Variants in ITPR2 observed in about 807,000 individuals in gnomAD.
ITPR2 encodes the protein inositol 1,4,5-trisphosphate-gated calcium channel ITPR2.
Under a neutral mutation model 317.1 loss-of-function variants are expected in ITPR2, and 207 were observed. The ratio of observed to expected loss-of-function variants is 0.65; its 90% CI spans 0.58 to 0.73. The LOEUF (loss-of-function observed/expected upper bound fraction) is 0.73. ITPR2 is among the 30% of genes least tolerant of loss of function. The pLI is 0.00. For missense variants in ITPR2, 2,613 were observed against 3,284.0 expected (o/e 0.80, Z 4.99); for synonymous variants, 1,156 against 1,149.1 (o/e 1.01, Z -0.12).
intron 39 of ITPR2, 136 bp downstream of exon 39, chr12:26,494,017 G>T: frequency 1.7e-6 from 1 of 594,484 alleles, no homozygotes; most frequent in Non-Finnish European, 2.7e-6. Context: ...TTTAAGAAAA[G>T]TGTGATACAT....
intron 1 of ITPR2, among the ~76,000 whole-genome samples, chr12:26,826,741 T>C (rs183653681): frequency 6.6e-6 from 1 of 152,240 alleles, no homozygotes; most frequent in East Asian, 1.9e-4. Flanking sequence ...TAAACATACA[T>C]ATACAGATGT....
chr12:26,756,750 C>T (rs1022991171), intron 2 of ITPR2, among the ~76,000 whole-genome samples: 3 of 152,066 alleles, frequency 2.0e-5, no homozygotes, highest in Admixed American at 6.6e-5. Flanking sequence ...CTCTGCAACC[C>T]TTAGGATTAA....
At chr12:26,765,068 G>A (rs952736145) in intron 2 of ITPR2, among the ~76,000 whole-genome samples, 2 of 152,008 alleles carry the variant, frequency 1.3e-5, no homozygotes, top group Admixed American at 1.3e-4. Flanking sequence ...AGACAACAAG[G>A]AAGCTCTAAG....
chr12:26,363,598 T>G (rs1255650428), intron 55 of ITPR2, among the ~76,000 whole-genome samples: 1 of 152,156 alleles, frequency 6.6e-6, no homozygotes, highest in African/African-American at 2.4e-5. Flanking sequence ...TCTAAGACTT[T>G]CTCTCCAGAT....
intron 54 of ITPR2, among the ~76,000 whole-genome samples, chr12:26,395,115 G>T (rs763847077): frequency 7.2e-5 from 11 of 152,118 alleles, no homozygotes; most frequent in Non-Finnish European, 1.6e-4. Context: ...TTGGAGCTGA[G>T]CATGCATACT....
chr12:26,787,922 CTTTTT>C (rs71069268), intron 2 of ITPR2, among the ~76,000 whole-genome samples: 1 of 120,226 alleles, frequency 8.3e-6, no homozygotes. Context: ...GGTGACTATC[CTTTTT>C]TTTTTTTTTT....
chr12:26,442,448 A>G (rs1941508177), intron 46 of ITPR2, among the ~76,000 whole-genome samples: 1 of 152,128 alleles, frequency 6.6e-6, no homozygotes, highest in South Asian at 2.1e-4. Context: ...ATAAAACAAC[A>G]TCAAACAACA....
chr12:26,625,157 C>T (rs983818516), intron 23 of ITPR2, among the ~76,000 whole-genome samples: 2 of 151,532 alleles, frequency 1.3e-5, no homozygotes, highest in East Asian at 3.9e-4. Flanking sequence ...GAACTCATGG[C>T]GATAGACAGT....
At chr12:26,672,976 T>A (rs192215165) in intron 13 of ITPR2, among the ~76,000 whole-genome samples, 27,447 of 152,090 alleles carry the variant, frequency 0.18, 3,276 homozygotes, top group Non-Finnish European at 0.26. Flanking sequence ...CCTTGACACA[T>A]ACACTCTCCC....
intron 2 of ITPR2, among the ~76,000 whole-genome samples, chr12:26,768,687 C>A (rs1236297255): frequency 6.6e-6 from 1 of 150,714 alleles, no homozygotes; most frequent in Non-Finnish European, 1.5e-5. Flanking sequence ...TATTAAGGAC[C>A]CACATCTGGG....
intron 5 of ITPR2, among the ~76,000 whole-genome samples, chr12:26,720,284 C>T (rs569438286): frequency 6.6e-6 from 1 of 152,146 alleles, no homozygotes; most frequent in East Asian, 1.9e-4. Context: ...GATGTTAAAA[C>T]CTCATCTTAA....
chr12:26,735,221 C>T (rs559541263), intron 2 of ITPR2, among the ~76,000 whole-genome samples: 1 of 152,116 alleles, frequency 6.6e-6, no homozygotes, highest in Non-Finnish European at 1.5e-5. Flanking sequence ...AGGCTGGTCT[C>T]GAACTCCTGA....
At chr12:26,645,645 T>C (rs960985485) in intron 21 of ITPR2, among the ~76,000 whole-genome samples, 7 of 151,454 alleles carry the variant, frequency 4.6e-5, no homozygotes, top group East Asian at 1.9e-4. Context: ...AGAAATCGAG[T>C]TTTTCAAGTG....
intron 20 of ITPR2, among the ~76,000 whole-genome samples, chr12:26,654,613 G>T (rs1947333391): frequency 6.6e-6 from 1 of 152,124 alleles, no homozygotes; most frequent in South Asian, 2.1e-4. Flanking sequence ...CTGTATCAGA[G>T]TTGGTCCAAG....
At chr12:26,736,804 C>T (rs138363000) in intron 2 of ITPR2, among the ~76,000 whole-genome samples, 3 of 152,334 alleles carry the variant, frequency 2.0e-5, no homozygotes, top group East Asian at 3.9e-4. Flanking sequence ...AGAAGGAACA[C>T]ATCCATGTTG....
chr12:26,620,494 T>C (rs1946467447), intron 26 of ITPR2, among the ~76,000 whole-genome samples: 1 of 152,208 alleles, frequency 6.6e-6, no homozygotes, highest in Non-Finnish European at 1.5e-5. Context: ...ACAATTATGA[T>C]GTTGGTACTA....
intron 45 of ITPR2, among the ~76,000 whole-genome samples, chr12:26,445,878 T>C (rs1364478915): frequency 3.9e-5 from 6 of 152,036 alleles, no homozygotes; most frequent in African/African-American, 1.2e-4. Context: ...ATACGGAAAA[T>C]AGAACATAGT....
intron 1 of ITPR2, 23 bp from the exon 2 acceptor site, chr12:26,790,250 A>C (rs754744763): frequency 7.0e-6 from 11 of 1,568,468 alleles, no homozygotes; most frequent in Non-Finnish European, 8.8e-6. Flanking sequence ...GCATGTTTAC[A>C]TTGTTAACAT....
At chr12:26,763,729 G>T (rs891138943) in intron 2 of ITPR2, among the ~76,000 whole-genome samples, 4 of 152,024 alleles carry the variant, frequency 2.6e-5, no homozygotes, top group Non-Finnish European at 5.9e-5. Flanking sequence ...TCTTTTACTT[G>T]CACAGCCCTA....
Sources: allele counts gnomAD v4.1 joint callset (sites outside exome capture counted in the v4.1 genomes callset), GRCh38; gene constraint gnomAD v4.1.1; transcripts MANE v1.5; gene names NCBI Gene and HGNC (gene_info 2026-07-23, HGNC 2026-07-21).